Variants in SERP2 observed in about 807,000 individuals in gnomAD.
SERP2 encodes stress-associated endoplasmic reticulum protein 2.
A neutral mutation model predicts 9.1 loss-of-function variants in SERP2; 6 were observed. The observed-to-expected ratio is 0.66, with a 90% confidence interval of 0.36 to 1.30. SERP2 has a LOEUF of 1.30. Among genes scored for constraint, SERP2 ranks in the 50% most tolerant of loss-of-function variants. The probability of loss-of-function intolerance (pLI) is 0.03; values close to 1 mark genes in which losing one functional copy is unlikely to be tolerated. For synonymous variants in SERP2, 37 were observed against 27.3 expected (o/e 1.35, Z -1.10); for missense variants, 58 against 81.9 (o/e 0.71, Z 1.13).
At chr13:44,386,511 G>A (rs1872326231) in intron 2 of SERP2, among the ~76,000 whole-genome samples, 2 of 152,188 alleles carry the variant, frequency 1.3e-5, no homozygotes, top group Non-Finnish European at 2.9e-5. Flanking sequence ...AGCTTCCCAA[G>A]TAGCTGGGAT....
chr13:44,383,424 T>C (rs1211862282), intron 2 of SERP2, among the ~76,000 whole-genome samples: 1 of 152,202 alleles, frequency 6.6e-6, no homozygotes, highest in Non-Finnish European at 1.5e-5. Context: ...CAGCAGGACC[T>C]GTATCTTTCC....
intron 2 of SERP2, among the ~76,000 whole-genome samples, chr13:44,396,400 A>C (rs375143629): frequency 2.6e-5 from 4 of 151,230 alleles, no homozygotes; most frequent in Non-Finnish European, 5.9e-5. Flanking sequence ...CTGTTTTTAC[A>C]CATGGTTAGA....
chr13:44,381,995 G>C (rs1872008382), intron 2 of SERP2, among the ~76,000 whole-genome samples: 1 of 149,558 alleles, frequency 6.7e-6, no homozygotes. Context: ...GCTTAGGATG[G>C]ATGGATGGAT....
intron 2 of SERP2, chr13:44,396,044 AG>A (rs1873084113): frequency 4.0e-6 from 1 of 251,932 alleles, no homozygotes; most frequent in African/African-American, 2.3e-5. Context: ...ACTCATGAAA[AG>A]TTAGCATTGA....
intron 2 of SERP2, chr13:44,396,047 T>C (rs148560966): frequency 1.6e-5 from 4 of 251,254 alleles, no homozygotes; most frequent in Non-Finnish European, 3.2e-5. Flanking sequence ...CATGAAAAGT[T>C]AGCATTGAAA....
intron 2 of SERP2, chr13:44,396,041 A>C (rs1873083759): frequency 7.9e-6 from 2 of 253,556 alleles, no homozygotes; most frequent in South Asian, 8.8e-5. Context: ...AACACTCATG[A>C]AAAGTTAGCA....
At chr13:44,377,773 CTG>C in intron 1 of SERP2, among the ~76,000 whole-genome samples, 1 of 152,330 alleles carries the variant, frequency 6.6e-6, no homozygotes, top group African/African-American at 2.4e-5. Flanking sequence ...TTCCTAGAAC[CTG>C]TGTTTACTCT....
chr13:44,376,491 C>T (rs182671452), intron 1 of SERP2, among the ~76,000 whole-genome samples: 9 of 152,244 alleles, frequency 5.9e-5, no homozygotes, highest in African/African-American at 1.9e-4. Flanking sequence ...AGAAACAAGG[C>T]CGGGCGTGGT....
intron 1 of SERP2, among the ~76,000 whole-genome samples, chr13:44,376,718 TCAGCCGAG>T (rs1216027420): frequency 6.6e-6 from 1 of 151,338 alleles, no homozygotes; most frequent in Non-Finnish European, 1.5e-5. Flanking sequence ...GAGGTTGCAG[TCAGCCGAG>T]ATCACGCCAC....
intron 2 of SERP2, among the ~76,000 whole-genome samples, chr13:44,381,679 C>G (rs897378719): frequency 6.6e-6 from 1 of 152,200 alleles, no homozygotes; most frequent in African/African-American, 2.4e-5. Context: ...CTTGCAGTTA[C>G]TTTTTAACAG....
chr13:44,376,567 G>A (rs1466734620), intron 1 of SERP2, among the ~76,000 whole-genome samples: 4 of 152,098 alleles, frequency 2.6e-5, no homozygotes, highest in Admixed American at 1.3e-4. Context: ...CTGAGGTCAG[G>A]AGTTCGAAAC....
At chr13:44,389,730 G>T (rs1177813636) in intron 2 of SERP2, among the ~76,000 whole-genome samples, 1 of 152,178 alleles carries the variant, frequency 6.6e-6, no homozygotes, top group African/African-American at 2.4e-5. Context: ...AGAGTCAGTG[G>T]TGTCACCTCT....
At chr13:44,375,212 T>G (rs2138775398) in intron 1 of SERP2, among the ~76,000 whole-genome samples, 1 of 152,180 alleles carries the variant, frequency 6.6e-6, no homozygotes, top group African/African-American at 2.4e-5. Flanking sequence ...CCAAAGAAAC[T>G]ATATTGGTTT....
chr13:44,379,605 A>G (rs1361393854), intron 1 of SERP2, 36 bp from the exon 2 acceptor site: 3 of 1,502,360 alleles, frequency 2.0e-6, no homozygotes, highest in Admixed American at 3.4e-5. Flanking sequence ...TATTGAGTCA[A>G]TGAACCTAAT....
At chr13:44,377,673 C>T (rs1027964904) in intron 1 of SERP2, among the ~76,000 whole-genome samples, 7 of 152,158 alleles carry the variant, frequency 4.6e-5, no homozygotes, top group African/African-American at 1.2e-4. Context: ...GTCTACCTGC[C>T]GTTGACACTT....
chr13:44,397,419 A>C lies in SERP2; in HGVS notation c.*107A>C, dbSNP rs1873182247. Reference sequence around the variant, plus strand: ...CAAGCAGGCCACACGGAATAGAAAAAAACGCTCCCCCACTTGTTCCCTGAT... The same window carrying C: ...CAAGCAGGCCACACGGAATAGAAAACAACGCTCCCCCACTTGTTCCCTGAT... On this transcript the variant is annotated 3_prime_UTR_variant, in exon 3 of 3. Coordinates refer to ENST00000379179, the MANE Select transcript of SERP2 (RefSeq NM_001010897.3). 1 of 852,002 alleles carries C rather than the reference A, an allele frequency of 1.2e-6. No homozygotes were observed. The highest frequency in any genetic ancestry group is 1.9e-6 in the Non-Finnish European group (1 of 512,832). The allele number at this position is 852,002 out of a possible 1,614,324, so 52.8% of individuals were successfully genotyped here. A position where few individuals can be genotyped will look rare whatever the true frequency, so the allele number is the denominator to read the frequency against.
intron 1 of SERP2, 60 bp from the exon 2 acceptor site, chr13:44,379,581 C>A: frequency 7.5e-7 from 1 of 1,324,830 alleles, no homozygotes; most frequent in Non-Finnish European, 1.1e-6. Context: ...CCTAGTGATA[C>A]TCAAATAATT....
intron 2 of SERP2, among the ~76,000 whole-genome samples, chr13:44,390,038 C>T (rs1332805794): frequency 6.6e-6 from 1 of 152,212 alleles, no homozygotes; most frequent in African/African-American, 2.4e-5. Flanking sequence ...GACTCTAAAA[C>T]CCATCTGTTT....
chr13:44,396,780 G>A (rs1171161331), intron 2 of SERP2, among the ~76,000 whole-genome samples: 1 of 152,240 alleles, frequency 6.6e-6, no homozygotes, highest in East Asian at 1.9e-4. Context: ...AGATACTCAC[G>A]CATGGAGGGT....
Sources: gnomAD v4.1 joint callset for allele counts (sites outside exome capture counted in the v4.1 genomes callset) on GRCh38, gnomAD v4.1.1 for gene constraint, MANE v1.5 for transcripts, NCBI Gene and HGNC (gene_info 2026-07-23, HGNC 2026-07-21) for gene names.